KIAA1217: variants seen among roughly 807,000 people sequenced by gnomAD.
The protein encoded by KIAA1217 is KIAA1217.
Under a neutral mutation model 163.9 loss-of-function variants are expected in KIAA1217, and 88 were observed. The ratio of observed to expected loss-of-function variants is 0.54; its 90% CI spans 0.45 to 0.64. The LOEUF (loss-of-function observed/expected upper bound fraction) is 0.64. Ranked by LOEUF, KIAA1217 falls within the 30% of genes least tolerant of loss-of-function variation. The pLI is 0.00. For missense variants in KIAA1217, 2,372 were observed against 2,475.0 expected (o/e 0.96, Z 0.88); for synonymous variants, 903 against 923.1 (o/e 0.98, Z 0.39).
At chr10:24,210,424 G>A (rs74674401) in intron 1 of KIAA1217, among the ~76,000 whole-genome samples, 2,245 of 152,120 alleles carry the variant, frequency 0.015, 57 homozygotes, top group African/African-American at 0.046. Context: ...CGGGGTCAGT[G>A]GCATCCAGTG....
At chr10:23,782,039 T>G (rs1835281498) in intron 1 of KIAA1217, among the ~76,000 whole-genome samples, 1 of 152,142 alleles carries the variant, frequency 6.6e-6, no homozygotes, top group East Asian at 1.9e-4. Flanking sequence ...AAGATCGCTG[T>G]TTGGGGTTTT....
intron 1 of KIAA1217, among the ~76,000 whole-genome samples, chr10:23,971,837 C>T (rs184924960): frequency 1.3e-5 from 2 of 152,232 alleles, no homozygotes; most frequent in East Asian, 1.9e-4. Context: ...ACCACCTATT[C>T]TCTCTGAAAA....
At chr10:23,860,663 G>T (rs1839908626) in intron 1 of KIAA1217, among the ~76,000 whole-genome samples, 1 of 152,056 alleles carries the variant, frequency 6.6e-6, no homozygotes, top group African/African-American at 2.4e-5. Context: ...TAAAGGAATT[G>T]TTGTAGAGAT....
chr10:23,701,394 C>A (rs1836439697), intron 1 of KIAA1217, among the ~76,000 whole-genome samples: 1 of 152,200 alleles, frequency 6.6e-6, no homozygotes, highest in African/African-American at 2.4e-5. Flanking sequence ...CTTTCATCCT[C>A]AGGGTGAGAG....
intron 1 of KIAA1217, among the ~76,000 whole-genome samples, chr10:23,758,500 G>T (rs966494402): frequency 1.3e-5 from 2 of 151,986 alleles, no homozygotes; most frequent in Admixed American, 6.5e-5. Flanking sequence ...TTCCAGCTTT[G>T]TTATTTTTTA....
chr10:24,018,633 T>C (rs1417044143), intron 2 of KIAA1217, among the ~76,000 whole-genome samples: 1 of 151,922 alleles, frequency 6.6e-6, no homozygotes, highest in African/African-American at 2.4e-5. Context: ...ATAGCCATTC[T>C]AGAAAACCGT....
intron 1 of KIAA1217, among the ~76,000 whole-genome samples, chr10:23,954,286 C>T (rs778378669): frequency 4.6e-5 from 7 of 152,054 alleles, no homozygotes; most frequent in South Asian, 2.1e-4. Context: ...GAAAGGGGGC[C>T]GGGCATGGTG....
At chr10:24,308,454 G>A (rs2042252916) in intron 2 of KIAA1217, among the ~76,000 whole-genome samples, 1 of 152,210 alleles carries the variant, frequency 6.6e-6, no homozygotes, top group East Asian at 1.9e-4. Flanking sequence ...ACAACTGGAC[G>A]AAGGCCAGTT....
At chr10:23,936,716 C>T (rs1304269297) in intron 1 of KIAA1217, among the ~76,000 whole-genome samples, 20 of 152,122 alleles carry the variant, frequency 1.3e-4, no homozygotes, top group Admixed American at 1.2e-3. Flanking sequence ...CTGCAGACAC[C>T]TGGATTTCAG....
intron 1 of KIAA1217, among the ~76,000 whole-genome samples, chr10:23,975,406 C>T (rs908912415): frequency 1.8e-4 from 27 of 152,172 alleles, no homozygotes; most frequent in African/African-American, 6.5e-4. Flanking sequence ...CCAGCAGGAG[C>T]TTCTTCCAAA....
intron 2 of KIAA1217, among the ~76,000 whole-genome samples, chr10:24,261,873 C>T (rs779620467): frequency 6.6e-6 from 1 of 152,206 alleles, no homozygotes; most frequent in Non-Finnish European, 1.5e-5. Flanking sequence ...GAGCTCTCCA[C>T]AGCAACTAAG....
intron 1 of KIAA1217, among the ~76,000 whole-genome samples, chr10:23,724,260 C>T (rs765728578): frequency 1.3e-5 from 2 of 148,334 alleles, no homozygotes; most frequent in Non-Finnish European, 3.0e-5. Flanking sequence ...TAACCCTAAA[C>T]TTTGCTTCTT....
intron 2 of KIAA1217, among the ~76,000 whole-genome samples, chr10:24,181,242 C>A (rs1293070363): frequency 6.6e-6 from 1 of 152,064 alleles, no homozygotes; most frequent in East Asian, 1.9e-4. Context: ...GAGAGGGGAA[C>A]CTAATCTGGC....
At chr10:24,136,893 A>G (rs2063852772) in intron 2 of KIAA1217, among the ~76,000 whole-genome samples, 1 of 152,220 alleles carries the variant, frequency 6.6e-6, no homozygotes, top group African/African-American at 2.4e-5. Flanking sequence ...TTAGCTGTTT[A>G]CAAAAGCATT....
At chr10:23,764,162 C>T (rs1834399388) in intron 1 of KIAA1217, among the ~76,000 whole-genome samples, 1 of 152,124 alleles carries the variant, frequency 6.6e-6, no homozygotes, top group Non-Finnish European at 1.5e-5. Context: ...ACAGACACTT[C>T]TCAAAAGAAG....
intron 2 of KIAA1217, among the ~76,000 whole-genome samples, chr10:24,261,528 T>C (rs1416155839): frequency 1.3e-5 from 2 of 150,508 alleles, no homozygotes; most frequent in Non-Finnish European, 3.0e-5. Flanking sequence ...TTTAATCTGG[T>C]GCTGAGCTGA....
chr10:23,824,660 T>TATAC, intron 1 of KIAA1217, among the ~76,000 whole-genome samples: 1 of 107,168 alleles, frequency 9.3e-6, no homozygotes, highest in Non-Finnish European at 1.8e-5. Context: ...ATAAAAAAAA[T>TATAC]ATATATATAT....
intron 3 of KIAA1217, among the ~76,000 whole-genome samples, chr10:24,422,173 C>G (rs1174748019): frequency 6.6e-6 from 1 of 152,114 alleles, no homozygotes; most frequent in Non-Finnish European, 1.5e-5. Flanking sequence ...ATGGGAAAGA[C>G]CCACCCCCAT....
chr10:23,904,879 G>A (rs1055170765), intron 1 of KIAA1217, among the ~76,000 whole-genome samples: 1 of 151,692 alleles, frequency 6.6e-6, no homozygotes, highest in South Asian at 2.1e-4. Context: ...AAAAGACTCA[G>A]TTTAAAAAAC....
Sources: gnomAD v4.1 joint callset for allele counts (sites outside exome capture counted in the v4.1 genomes callset) on GRCh38, gnomAD v4.1.1 for gene constraint, MANE v1.5 for transcripts, NCBI Gene and HGNC (gene_info 2026-07-23, HGNC 2026-07-21) for gene names.